The following ITGA6 variants were observed in gnomAD, a reference collection of about 807,000 sequenced individuals.
ITGA6 encodes integrin subunit alpha 6.
Under a neutral mutation model 133.6 loss-of-function variants are expected in ITGA6, and 63 were observed. The ratio of observed to expected loss-of-function variants is 0.47; its 90% CI spans 0.38 to 0.58. The LOEUF (loss-of-function observed/expected upper bound fraction) is 0.58. ITGA6 is among the 20% of genes least tolerant of loss of function. The pLI is 0.00. For missense variants in ITGA6, 1,068 were observed against 1,309.4 expected, an observed-to-expected ratio of 0.82 and a Z score of 2.85; for synonymous variants, 434 against 482.0, an observed-to-expected ratio of 0.90 and a Z score of 1.30.
intron 5 of ITGA6, among the ~76,000 whole-genome samples, chr2:172,473,195 T>C (rs58252857): frequency 5.8e-4 from 88 of 152,362 alleles, no homozygotes; most frequent in African/African-American, 2.0e-3. Context: ...ATTCTGCATC[T>C]GCCTCACCTT....
chr2:172,463,074 C>T (rs1260353969), intron 1 of ITGA6, among the ~76,000 whole-genome samples: 1 of 152,184 alleles, frequency 6.6e-6, no homozygotes, highest in Non-Finnish European at 1.5e-5. Flanking sequence ...CCTGTGGTTT[C>T]ATGACCTCAT....
intron 1 of ITGA6, among the ~76,000 whole-genome samples, chr2:172,435,453 T>C (rs1222904113): frequency 2.0e-5 from 3 of 151,842 alleles, no homozygotes; most frequent in Non-Finnish European, 4.4e-5. Flanking sequence ...ATCGAAACAA[T>C]AAAAGTTGTG....
chr2:172,504,199 C>G lies in ITGA6; in HGVS notation c.*131C>G, dbSNP rs774183567. On this transcript the variant is annotated 3_prime_UTR_variant, in exon 26 of 26. Transcript: ENST00000684293. Reference sequence around the variant, plus strand: ...CAAAGATGAAAAGTATATTGATAACCTTGAAAAAAAACAGTGGATCACAAA... The same window carrying G: ...CAAAGATGAAAAGTATATTGATAACGTTGAAAAAAAACAGTGGATCACAAA... The G allele has an allele frequency of 6.3e-7, 1 of 1,586,622 alleles. No individual in the cohort carries two copies. The highest frequency in any genetic ancestry group is 8.6e-7 in the Non-Finnish European group (1 of 1,165,668).
At chr2:172,436,972 TGGG>T (rs1673422582) in intron 1 of ITGA6, among the ~76,000 whole-genome samples, 1 of 152,084 alleles carries the variant, frequency 6.6e-6, no homozygotes. Flanking sequence ...GGAGTGCAGA[TGGG>T]GAGGGAAGTG....
At chr2:172,466,171 G>A (rs1685664728) in intron 2 of ITGA6, 1 of 206,904 alleles carries the variant, frequency 4.8e-6, no homozygotes, top group Non-Finnish European at 1.0e-5. Context: ...CATGAGGTAG[G>A]CATGTTGACA....
intron 1 of ITGA6, among the ~76,000 whole-genome samples, chr2:172,437,773 G>GA (rs1553525595): frequency 3.8e-4 from 58 of 152,110 alleles, no homozygotes; most frequent in Admixed American, 5.2e-4. Flanking sequence ...GGAGGCCTGA[G>GA]CCCTATGGTG....
chr2:172,439,736 A>C (rs1040978713), intron 1 of ITGA6, among the ~76,000 whole-genome samples: 1 of 148,418 alleles, frequency 6.7e-6, no homozygotes, highest in Non-Finnish European at 1.5e-5. Context: ...TTTTCTCTCT[A>C]GAAGGAAGAC....
In ITGA6 at chr2:172,485,248, A is replaced by G. The variant is rs774684972; in HGVS notation, c.1838A>G (p.Lys613Arg). 2 of 1,614,132 alleles carry G rather than the reference A, an allele frequency of 1.2e-6. No individual in the cohort carries two copies. Among genetic ancestry groups the G allele is most frequent in the South Asian group, 1.1e-5 (1 of 91,078 alleles). The change falls in exon 13 of 26, where the codon AAG (lysine) becomes AGG (arginine). Residue 613 changes from lysine to arginine, a missense_variant. By Grantham distance (26) the Lys-to-Arg change is conservative (BLOSUM62 2). Around this residue, in one of 3 missense-constraint regions of ITGA6, gnomAD observed 609 missense variants for 707.2 expected, o/e 0.86. Transcript: ENST00000684293. The part of the protein sequence containing the change: ...VLPILNSDEP[K>R]TAHIDVHFLK... The stretch of plus-strand genomic sequence containing the variant: ...CCAATTCTGAATTCAGATGAACCCA[A>G]GACAGCTCATATTGATGTAAGTCTC...
At chr2:172,447,884 G>C (rs1165193327) in intron 1 of ITGA6, among the ~76,000 whole-genome samples, 1 of 152,152 alleles carries the variant, frequency 6.6e-6, no homozygotes, top group Non-Finnish European at 1.5e-5. Context: ...AGCTGAAGGA[G>C]TTGAAAGTTG....
At chr2:172,479,547 T>C in intron 9 of ITGA6, 94 bp from the exon 10 acceptor site, 1 of 1,000,258 alleles carries the variant, frequency 1.0e-6, no homozygotes, top group Non-Finnish European at 1.6e-6. Context: ...TTTTAAGCTG[T>C]GCTGGGCAGC....
chr2:172,501,205 A>C (rs1368402745), intron 24 of ITGA6, among the ~76,000 whole-genome samples: 1 of 152,172 alleles, frequency 6.6e-6, no homozygotes, highest in African/African-American at 2.4e-5. Flanking sequence ...AATGACAGCA[A>C]TCATTCTTTC....
chr2:172,445,204 C>A (rs536121967), intron 1 of ITGA6, among the ~76,000 whole-genome samples: 1 of 151,716 alleles, frequency 6.6e-6, no homozygotes, highest in Non-Finnish European at 1.5e-5. Flanking sequence ...TGACCTCAAG[C>A]GACTGCCCGC....
chr2:172,428,594 C>T (rs966656536), intron 1 of ITGA6: 1 of 148,952 alleles, frequency 6.7e-6, no homozygotes. Context: ...TAACCAAACA[C>T]CTGTTCGCTG....
chr2:172,473,641 A>G (rs983737362), intron 5 of ITGA6, among the ~76,000 whole-genome samples: 2 of 152,218 alleles, frequency 1.3e-5, no homozygotes, highest in African/African-American at 4.8e-5. Flanking sequence ...CATGCACTCA[A>G]TTATGCTTCC....
Position 172,435,612 on chromosome 2 carries a change from GTTTC to G in ITGA6, c.182+7646_182+7649del, listed in dbSNP as rs1275135026. On this transcript the variant is annotated intron_variant, in intron 1 of 25. Transcript: ENST00000684293. ...CCACGACACAAAACCCAAGAGTTTT[GTTTC>G]TTTTTTTTTTTTTTTTTTTTTTTTG... 3.0e-3 allele frequency among the ~76,000 whole-genome samples: 338 copies of G among 113,030 alleles called. 1 individual carries two copies. Among genetic ancestry groups the G allele is most frequent in the African/African-American group, 0.012 (325 of 26,450 alleles). The allele number at this position is 113,030 out of a possible 152,430, so 74.2% of individuals were successfully genotyped here.
chr2:172,501,420 C>G (rs1319423135), intron 24 of ITGA6, among the ~76,000 whole-genome samples: 1 of 152,210 alleles, frequency 6.6e-6, no homozygotes, highest in East Asian at 1.9e-4. Flanking sequence ...TCTTTTGCCT[C>G]TTTTGGAGTT....
rs773507406 is a variant in ITGA6, at chr2:172,488,232, A to G, written c.2505+4A>G. ...TTTAATAGAGTATGAATTCAGGGTA[A>G]GTTGGAGCAGTTGGTCTTTTCATTA... On this transcript the variant is annotated splice_donor_region_variant and intron_variant, in intron 19 of 25. Coordinates refer to ENST00000684293, the MANE Select transcript of ITGA6 (RefSeq NM_000210.4). The G allele has an allele frequency of 6.3e-6, 10 of 1,578,882 alleles. No homozygotes were observed. Among genetic ancestry groups the G allele is most frequent in the Non-Finnish European group, 7.8e-6 (9 of 1,148,018 alleles).
At chr2:172,462,790 A>G (rs1685486526) in intron 1 of ITGA6, among the ~76,000 whole-genome samples, 1 of 152,228 alleles carries the variant, frequency 6.6e-6, no homozygotes, top group Non-Finnish European at 1.5e-5. Context: ...TGCAGGACAC[A>G]GCAGGCTACA....
Position 172,467,380 on chromosome 2 carries a change from C to T in ITGA6, c.308-101C>T, listed in dbSNP as rs376684478. 11 of 829,390 alleles carry T rather than the reference C, an allele frequency of 1.3e-5. No homozygotes were observed. The African/African-American group carries it at 1.3e-4, about 10-fold the overall frequency. The allele number at this position is 829,390 out of a possible 1,614,324, so 51.4% of individuals were successfully genotyped here. A position where few individuals can be genotyped will look rare whatever the true frequency, so the allele number is the denominator to read the frequency against. ...ACTGAATTTATTGAGTAGCTAGACT[C>T]AGAGTCGAGGCCATTTGGAAACAGT... On this transcript the variant is annotated intron_variant, in intron 2 of 25. Transcript: ENST00000684293.
Sources: gnomAD v4.1 joint callset for allele counts (sites outside exome capture counted in the v4.1 genomes callset) on GRCh38, gnomAD v4.1.1 for gene constraint, gnomAD v4.1.1 regional missense constraint, MANE v1.5 for transcripts, NCBI Gene and HGNC (gene_info 2026-07-23, HGNC 2026-07-21) for gene names.